ATM: variants seen among roughly 807,000 people sequenced by gnomAD.
The protein encoded by ATM is ATM serine/threonine kinase.
ATM carries 308 observed loss-of-function variants against 387.0 expected under a neutral mutation model. The observed-to-expected ratio is 0.80, with a 90% confidence interval of 0.73 to 0.87. The LOEUF (loss-of-function observed/expected upper bound fraction) is 0.87. ATM is among the 40% of genes least tolerant of loss of function. The pLI is 0.00. For synonymous variants in ATM, 1,156 were observed against 1,187.3 expected (o/e 0.97, Z 0.54); for missense variants, 3,312 against 3,560.9 (o/e 0.93, Z 1.78).
At chr11:108,339,434 G>A (rs567754539) in intron 56 of ATM, among the ~76,000 whole-genome samples, 1 of 151,906 alleles carries the variant, frequency 6.6e-6, no homozygotes, top group African/African-American at 2.4e-5. Context: ...GACATTCACT[G>A]AATATAATGA....
intron 60 of ATM, among the ~76,000 whole-genome samples, chr11:108,354,433 G>C (rs1309795302): frequency 6.6e-6 from 1 of 152,132 alleles, no homozygotes; most frequent in South Asian, 2.1e-4. Flanking sequence ...TACTAAAAAA[G>C]CTTTGCAGTT....
chr11:108,267,435 T>G, intron 17 of ATM, 93 bp downstream of exon 17: 3 of 1,180,174 alleles, frequency 2.5e-6, no homozygotes, highest in Non-Finnish European at 3.7e-6. Flanking sequence ...TTGTGCTTAT[T>G]TCATTTTCTC....
intron 1 of ATM, chr11:108,225,157 G>A (rs1190117638): frequency 6.6e-6 from 1 of 152,166 alleles, no homozygotes; most frequent in African/African-American, 2.4e-5. Context: ...TATTGCTAAG[G>A]TATTTTCATT....
chr11:108,265,458 C>T (rs936452385), intron 16 of ATM, among the ~76,000 whole-genome samples: 1 of 152,194 alleles, frequency 6.6e-6, no homozygotes, highest in Admixed American at 6.5e-5. Flanking sequence ...GGATCCCTTC[C>T]TTACACCTGA....
In ATM at chr11:108,315,803, T is replaced by G; in HGVS notation, c.6007-20T>G. 7.6e-6 allele frequency: 12 copies of G among 1,587,534 alleles called. No individual in the cohort carries two copies. The highest frequency in any genetic ancestry group is 1.0e-5 in the Non-Finnish European group (12 of 1,156,638). ...CGATTTTTTTTCCTTCTTCAATTTT[T>G]GTTGTTTCCATGTTTTCAGGATCTT... On this transcript the variant is annotated intron_variant, in intron 40 of 62. Transcript: ENST00000675843.
chr11:108,331,834 A>G, intron 51 of ATM, 45 bp from the exon 52 acceptor site: 2 of 1,591,422 alleles, frequency 1.3e-6, no homozygotes, highest in Non-Finnish European at 1.7e-6. Flanking sequence ...TATGGATTAT[A>G]TTTTTTTGTT....
chr11:108,242,535 C>A (rs1309868364), intron 5 of ATM, among the ~76,000 whole-genome samples: 1 of 152,102 alleles, frequency 6.6e-6, no homozygotes, highest in Non-Finnish European at 1.5e-5. Context: ...TATATAAAGT[C>A]CCAATATACA....
In ATM at chr11:108,268,571, A is replaced by G. The variant is rs772054979; in HGVS notation, c.2800A>G (p.Ser934Gly). 7.4e-6 allele frequency: 12 copies of G among 1,614,086 alleles called. No homozygotes were observed. The South Asian group carries it at 1.2e-4, about 16-fold the overall frequency. ...RRKLLMLIDS[S>G]TLEPTKSLHL... ...GAAATTGTTAATGTTAATTGATTCTAGCACGCTAGAACCTACCAAATCCCT... is the reference window on the plus strand; with the variant it reads ...GAAATTGTTAATGTTAATTGATTCTGGCACGCTAGAACCTACCAAATCCCT... The change falls in exon 18 of 63, where the codon AGC becomes GGC. Residue 934 changes from serine to glycine, a missense_variant. By Grantham distance (56) the Ser-to-Gly change is moderately conservative. Coordinates refer to ENST00000675843, the MANE Select transcript of ATM (RefSeq NM_000051.4).
intron 9 of ATM, among the ~76,000 whole-genome samples, chr11:108,249,361 G>C (rs536800662): frequency 6.6e-6 from 1 of 152,280 alleles, no homozygotes; most frequent in East Asian, 1.9e-4. Context: ...CTGGCTCTCT[G>C]ATAGGCAATT....
At chr11:108,318,926 A>G (rs1261868016) in intron 43 of ATM, among the ~76,000 whole-genome samples, 2 of 152,202 alleles carry the variant, frequency 1.3e-5, no homozygotes, top group African/African-American at 4.8e-5. Context: ...CTATAATCCC[A>G]GCACTTTGGA....
chr11:108,244,836 T>A lies in ATM; in HGVS notation c.711T>A (p.Thr237=), dbSNP rs1294159555. The A allele has an allele frequency of 6.2e-7, 1 of 1,613,934 alleles. No individual in the cohort carries two copies. The highest frequency in any genetic ancestry group is 1.1e-5 in the South Asian group (1 of 91,080). The change falls in exon 7 of 63, where the codon ACT becomes ACA. Residue 237 remains threonine, a synonymous_variant. Coordinates refer to ENST00000675843, the MANE Select transcript of ATM (RefSeq NM_000051.4). Reference sequence around the variant, plus strand: ...TAAATCATATCTTAGCAGCTCTTACTATCTTCCTCAAGACTTTGGCTGTCA... The same window carrying A: ...TAAATCATATCTTAGCAGCTCTTACAATCTTCCTCAAGACTTTGGCTGTCA... ...SGLNHILAAL[T]IFLKTLAVNF...
chr11:108,259,204 T>C, intron 16 of ATM, 129 bp downstream of exon 16: 1 of 869,114 alleles, frequency 1.2e-6, no homozygotes, highest in South Asian at 1.5e-5. Flanking sequence ...AATGTGGAAA[T>C]TAAGGCCAGG....
At chr11:108,241,437 T>C (rs1416898409) in intron 5 of ATM, among the ~76,000 whole-genome samples, 1 of 152,234 alleles carries the variant, frequency 6.6e-6, no homozygotes, top group East Asian at 1.9e-4. Flanking sequence ...TATTATACTT[T>C]TATATGACTG....
At chr11:108,325,986 A>G (rs1264897617) in intron 46 of ATM, 72 bp from the exon 47 acceptor site, 1 of 308,000 alleles carries the variant, frequency 3.2e-6, no homozygotes, top group African/African-American at 2.8e-5. Flanking sequence ...TGCTGCTTTC[A>G]TTATTATTAT....
In ATM at chr11:108,282,377, C is replaced by T. The variant is rs761309701; in HGVS notation, c.3577-333C>T. ...TCTTGGGCTTAAGCAACCCTCCCTC[C>T]TCAGACTCCCAAAGCGTTGGGATTA... On this transcript the variant is annotated intron_variant, in intron 24 of 62. Transcript: ENST00000675843. Among the ~76,000 whole-genome samples the T allele has an allele frequency of 2.6e-5, 4 of 152,192 alleles. No individual in the cohort carries two copies. The East Asian group carries it at 7.7e-4, about 29-fold the overall frequency.
intron 59 of ATM, among the ~76,000 whole-genome samples, chr11:108,349,029 G>C (rs2088844139): frequency 6.6e-6 from 1 of 152,156 alleles, no homozygotes; most frequent in African/African-American, 2.4e-5. Flanking sequence ...AAGTCACTGG[G>C]CTGGAGGAGG....
chr11:108,300,155 G>C (rs2083351532), intron 34 of ATM, among the ~76,000 whole-genome samples: 1 of 152,142 alleles, frequency 6.6e-6, no homozygotes, highest in Non-Finnish European at 1.5e-5. Flanking sequence ...AAAAATGCCA[G>C]ATGGTTCTAC....
At chr11:108,267,027 C>T in intron 16 of ATM, 144 bp from the exon 17 acceptor site, 1 of 770,046 alleles carries the variant, frequency 1.3e-6, no homozygotes, top group South Asian at 1.5e-5. Flanking sequence ...AACTCCCGAC[C>T]TCAGGTGATC....
chr11:108,359,004 T>C (rs2090381018), intron 61 of ATM, among the ~76,000 whole-genome samples: 1 of 151,414 alleles, frequency 6.6e-6, no homozygotes, highest in African/African-American at 2.4e-5. Flanking sequence ...GACTGGCAAA[T>C]TGGATAAAGA....
Sources: gnomAD v4.1 joint callset for allele counts (sites outside exome capture counted in the v4.1 genomes callset) on GRCh38, gnomAD v4.1.1 for gene constraint, MANE v1.5 for transcripts, NCBI Gene and HGNC (gene_info 2026-07-23, HGNC 2026-07-21) for gene names.